The following PDZRN3 variants were observed in gnomAD, a reference collection of about 807,000 sequenced individuals.
The protein encoded by PDZRN3 is PDZ domain containing ring finger 3, also known as E3 ubiquitin-protein ligase PDZRN3.
In PDZRN3, 38 loss-of-function variants were observed where a neutral mutation model predicts 85.7. That is an observed-to-expected ratio of 0.44 (90% CI 0.34 to 0.58). The LOEUF is 0.58. Among genes scored for constraint, PDZRN3 ranks in the 20% least tolerant of loss-of-function variants. The pLI, the probability that PDZRN3 is intolerant of heterozygous loss-of-function variation, is 0.01. For missense variants in PDZRN3, 1,629 were observed against 1,506.4 expected (o/e 1.08, Z -1.35); for synonymous variants, 759 against 638.0 (o/e 1.19, Z -2.86).
At position 73,383,330 on chromosome 3, in the gene PDZRN3, T is replaced by G; in HGVS notation, c.*35A>C. On this transcript the variant is annotated 3_prime_UTR_variant, in exon 10 of 10. Transcript: ENST00000263666. ...GCAGGAATTTCTACCCCAGTGGTAG[T>G]GGTCTCCTTTATGTACATAATGCAG... 1 of 1,539,374 alleles carries G rather than the reference T, an allele frequency of 6.5e-7. No homozygotes were observed. The highest frequency in any genetic ancestry group is 8.8e-7 in the Non-Finnish European group (1 of 1,141,980).
intron 3 of PDZRN3, among the ~76,000 whole-genome samples, chr3:73,448,602 T>C (rs1222080009): frequency 2.6e-5 from 4 of 152,106 alleles, no homozygotes; most frequent in Admixed American, 2.6e-4. Flanking sequence ...TTTTTTTTCC[T>C]GGGGACTAAG....
At chr3:73,541,291 C>T (rs1704915793) in intron 3 of PDZRN3, among the ~76,000 whole-genome samples, 1 of 152,142 alleles carries the variant, frequency 6.6e-6, no homozygotes. Context: ...AAATTTAAGA[C>T]TATGAAGAAA....
chr3:73,442,558 C>T (rs928072555), intron 3 of PDZRN3, among the ~76,000 whole-genome samples: 1 of 152,082 alleles, frequency 6.6e-6, no homozygotes, highest in African/African-American at 2.4e-5. Flanking sequence ...TACAAATCCT[C>T]GAGGGAGATG....
At chr3:73,578,387 G>T (rs1702154146) in intron 3 of PDZRN3, among the ~76,000 whole-genome samples, 1 of 152,052 alleles carries the variant, frequency 6.6e-6, no homozygotes, top group Admixed American at 6.6e-5. Context: ...AGCCAGGATG[G>T]TCTCGATCTC....
chr3:73,535,642 GGACT>G (rs1268499393), intron 3 of PDZRN3, among the ~76,000 whole-genome samples: 4 of 152,194 alleles, frequency 2.6e-5, no homozygotes. Flanking sequence ...CAGTTCACAT[GGACT>G]GACTACAGAG....
chr3:73,399,100 C>T (rs1701698727), intron 5 of PDZRN3, among the ~76,000 whole-genome samples: 1 of 152,122 alleles, frequency 6.6e-6, no homozygotes, highest in African/African-American at 2.4e-5. Context: ...TAGGTTCCAT[C>T]AGATTCTCAA....
At position 73,466,037 on chromosome 3, in the gene PDZRN3, C is replaced by G. The variant is rs115919164; in HGVS notation, c.919-61642G>C. On this transcript the variant is annotated intron_variant, in intron 3 of 9. Coordinates refer to ENST00000263666, the MANE Select transcript of PDZRN3 (RefSeq NM_015009.3). ...TCAGTCAAGCTAATTACGCTTTACT[C>G]TAAAGCTTTGTCTATCAGGCTAGAA... 6.4e-3 allele frequency among the ~76,000 whole-genome samples: 969 copies of G among 152,258 alleles called. 3 individuals carry two copies. Among genetic ancestry groups the G allele is most frequent in the Non-Finnish European group, 0.01 (708 of 68,028 alleles).
At chr3:73,412,529 A>G (rs1426102544) in intron 3 of PDZRN3, among the ~76,000 whole-genome samples, 1 of 152,220 alleles carries the variant, frequency 6.6e-6, no homozygotes, top group Non-Finnish European at 1.5e-5. Flanking sequence ...ATGCTGCATG[A>G]AGATGCAGAG....
intron 1 of PDZRN3, among the ~76,000 whole-genome samples, chr3:73,620,581 G>GTTTT (rs10650658): frequency 2.1e-4 from 29 of 139,788 alleles, no homozygotes; most frequent in African/African-American, 5.1e-4. Flanking sequence ...GGTTTTTTTT[G>GTTTT]TTTTTTTTTT....
At chr3:73,456,159 G>A (rs530682807) in intron 3 of PDZRN3, among the ~76,000 whole-genome samples, 9 of 151,568 alleles carry the variant, frequency 5.9e-5, no homozygotes, top group South Asian at 2.1e-4. Flanking sequence ...AAATGTTGAC[G>A]TCTTAGGTAC....
At chr3:73,587,804 G>A (rs144055534) in intron 3 of PDZRN3, among the ~76,000 whole-genome samples, 4 of 152,182 alleles carry the variant, frequency 2.6e-5, no homozygotes, top group African/African-American at 9.6e-5. Flanking sequence ...CCATTAAAAC[G>A]ACCTTGAATG....
chr3:73,383,728 G>A lies in PDZRN3; in HGVS notation c.2838C>T (p.Arg946=), dbSNP rs905468979. ...RPVRDRLLRE[R]ALKIREERSG... Reference sequence around the variant, plus strand: ...TGCGCTCTTCCCGGATCTTCAGGGCGCGCTCCCGCAGCAGGCGGTCCCGCA... The same window carrying A: ...TGCGCTCTTCCCGGATCTTCAGGGCACGCTCCCGCAGCAGGCGGTCCCGCA... Residue 946 remains arginine (R), a synonymous_variant, in exon 10 of 10, where the codon CGC becomes CGT. Coordinates refer to ENST00000263666, the MANE Select transcript of PDZRN3 (RefSeq NM_015009.3). The A allele has an allele frequency of 5.6e-6, 9 of 1,611,714 alleles. No individual in the cohort carries two copies. The highest frequency in any genetic ancestry group is 2.2e-5 in the East Asian group (1 of 44,868).
At chr3:73,432,668 C>G (rs1559676854) in intron 3 of PDZRN3, among the ~76,000 whole-genome samples, 1 of 152,128 alleles carries the variant, frequency 6.6e-6, no homozygotes, top group Non-Finnish European at 1.5e-5. Flanking sequence ...AAATCAAATT[C>G]TTTTTTAAAA....
chr3:73,459,069 C>T (rs2106860869), intron 3 of PDZRN3, among the ~76,000 whole-genome samples: 1 of 152,066 alleles, frequency 6.6e-6, no homozygotes, highest in African/African-American at 2.4e-5. Flanking sequence ...GCTGGGGAGG[C>T]CTCAGTAAAC....
chr3:73,466,766 T>C (rs1321174878), intron 3 of PDZRN3, among the ~76,000 whole-genome samples: 2 of 152,158 alleles, frequency 1.3e-5, no homozygotes, highest in Non-Finnish European at 2.9e-5. Context: ...CTTAAAACCA[T>C]ACACCCCCAA....
chr3:73,437,029 G>A (rs796753666), intron 3 of PDZRN3, among the ~76,000 whole-genome samples: 67 of 138,360 alleles, frequency 4.8e-4, no homozygotes, highest in African/African-American at 1.9e-3. Context: ...CCTGGCGACA[G>A]AGAAAGACTC....
At chr3:73,452,730 T>A (rs1449135258) in intron 3 of PDZRN3, among the ~76,000 whole-genome samples, 1 of 152,188 alleles carries the variant, frequency 6.6e-6, no homozygotes, top group Non-Finnish European at 1.5e-5. Flanking sequence ...GTTACTCTGA[T>A]GCTGTCTCTC....
intron 3 of PDZRN3, among the ~76,000 whole-genome samples, chr3:73,548,971 T>G (rs920926264): frequency 6.6e-6 from 1 of 152,208 alleles, no homozygotes; most frequent in African/African-American, 2.4e-5. Context: ...ACCTGCCCCA[T>G]GCAAGGCACA....
chr3:73,400,834 T>C lies in PDZRN3; in HGVS notation c.1254+88A>G, dbSNP rs547378302. The C allele has an allele frequency of 5.3e-6, 5 of 951,270 alleles. No individual in the cohort carries two copies. In the East Asian group the frequency reaches 1.2e-4, roughly 23 times the overall value. 58.9% of individuals were successfully genotyped at this position (951,270 alleles called of 1,614,324 possible). A position where few individuals can be genotyped will look rare whatever the true frequency, so the allele number is the denominator to read the frequency against. ...TTTTGTTACTTTCCATCGGCATCCG[T>C]AAACTAATTTATGCTTATAGAGAAC... On this transcript the variant is annotated intron_variant, in intron 5 of 9. Transcript: ENST00000263666.
Sources: gnomAD v4.1 joint callset for allele counts (sites outside exome capture counted in the v4.1 genomes callset) on GRCh38, gnomAD v4.1.1 for gene constraint, MANE v1.5 for transcripts, NCBI Gene and HGNC (gene_info 2026-07-23, HGNC 2026-07-21) for gene names.